Variants in PTPRO observed in about 807,000 individuals in gnomAD.
The protein encoded by PTPRO is protein tyrosine phosphatase receptor type O.
Under a neutral mutation model 145.2 loss-of-function variants are expected in PTPRO, and 62 were observed. The ratio of observed to expected loss-of-function variants is 0.43; its 90% confidence interval spans 0.35 to 0.53. PTPRO has a LOEUF of 0.53. PTPRO is among the 20% of genes least tolerant of loss of function. The pLI, the probability that PTPRO is intolerant of heterozygous loss-of-function variation, is 0.01. For missense variants in PTPRO, 1,345 were observed against 1,482.7 expected, an observed-to-expected ratio of 0.91 and a Z score of 1.53; for synonymous variants, 565 against 514.7, an observed-to-expected ratio of 1.10 and a Z score of -1.32.
At chr12:15,525,182 G>A (rs1306796450) in intron 11 of PTPRO, among the ~76,000 whole-genome samples, 1 of 152,104 alleles carries the variant, frequency 6.6e-6, no homozygotes, top group Non-Finnish European at 1.5e-5. Flanking sequence ...TCCAACTATT[G>A]ATTTCATTTA....
intron 10 of PTPRO, among the ~76,000 whole-genome samples, chr12:15,523,060 A>C (rs1427250723): frequency 6.6e-6 from 1 of 152,258 alleles, no homozygotes; most frequent in Non-Finnish European, 1.5e-5. Flanking sequence ...GTTACTTGTT[A>C]GATGCATTGA....
intron 1 of PTPRO, among the ~76,000 whole-genome samples, chr12:15,357,533 T>A (rs1388781473): frequency 6.6e-6 from 1 of 151,814 alleles, no homozygotes; most frequent in Non-Finnish European, 1.5e-5. Context: ...TCAAACAAAT[T>A]TACAAGAAAA....
chr12:15,399,056 T>C (rs981063281), intron 1 of PTPRO, among the ~76,000 whole-genome samples: 3 of 152,190 alleles, frequency 2.0e-5, no homozygotes, highest in Non-Finnish European at 2.9e-5. Context: ...TTAGTTGAAA[T>C]TGGCCCCAAA....
chr12:15,349,271 G>T (rs1937710858), intron 1 of PTPRO, among the ~76,000 whole-genome samples: 1 of 152,138 alleles, frequency 6.6e-6, no homozygotes. Flanking sequence ...TTGGCTAGAT[G>T]GGGGTACGAT....
intron 1 of PTPRO, among the ~76,000 whole-genome samples, chr12:15,353,957 G>C (rs1937896088): frequency 6.6e-6 from 1 of 152,178 alleles, no homozygotes; most frequent in Non-Finnish European, 1.5e-5. Context: ...CTTGTCTGCA[G>C]CTGATCTGGG....
chr12:15,477,298 C>A (rs1421522500), intron 1 of PTPRO, among the ~76,000 whole-genome samples: 1 of 128,884 alleles, frequency 7.8e-6, no homozygotes, highest in African/African-American at 3.0e-5. Context: ...GGGAATTGAA[C>A]AATGAGATCA....
intron 1 of PTPRO, among the ~76,000 whole-genome samples, chr12:15,327,667 T>C (rs781334029): frequency 6.6e-6 from 1 of 152,034 alleles, no homozygotes; most frequent in African/African-American, 2.4e-5. Flanking sequence ...CAAATAAATA[T>C]GTAAGTTTTT....
In PTPRO at chr12:15,516,962, C is replaced by A; in HGVS notation, c.1779+6C>A. On this transcript the variant is annotated splice_donor_region_variant and intron_variant, in intron 9 of 26. Transcript: ENST00000281171. Reference sequence around the variant, plus strand: ...TTTCCTTAACTGCATCCGTGGTAATCTTCCCTTAACCAACTGTCAGTCTTT... The same window carrying A: ...TTTCCTTAACTGCATCCGTGGTAATATTCCCTTAACCAACTGTCAGTCTTT... 1 of 1,608,952 alleles carries A rather than the reference C, an allele frequency of 6.2e-7. No individual in the cohort carries two copies. Among genetic ancestry groups the A allele is most frequent in the Non-Finnish European group, 8.5e-7 (1 of 1,175,260 alleles).
chr12:15,434,187 T>C (rs921012074), intron 1 of PTPRO, among the ~76,000 whole-genome samples: 1 of 152,244 alleles, frequency 6.6e-6, no homozygotes, highest in Non-Finnish European at 1.5e-5. Flanking sequence ...TTAGCACTAC[T>C]GAATAACACT....
At chr12:15,543,288 G>T (rs748442400) in intron 12 of PTPRO, among the ~76,000 whole-genome samples, 39 of 152,148 alleles carry the variant, frequency 2.6e-4, no homozygotes, top group Non-Finnish European at 5.0e-4. Flanking sequence ...TTTGTTACGT[G>T]GTTGTTAGAT....
At chr12:15,460,389 T>A (rs998937071) in intron 1 of PTPRO, among the ~76,000 whole-genome samples, 1 of 152,190 alleles carries the variant, frequency 6.6e-6, no homozygotes, top group African/African-American at 2.4e-5. Context: ...TACATTTTGA[T>A]GCTTTTCTCA....
chr12:15,508,856 A>G, intron 7 of PTPRO, 89 bp downstream of exon 7: 2 of 1,347,730 alleles, frequency 1.5e-6, no homozygotes, highest in Non-Finnish European at 2.1e-6. Context: ...GTAGGAAGCC[A>G]GGCTGAGGTC....
intron 1 of PTPRO, among the ~76,000 whole-genome samples, chr12:15,414,815 AT>A (rs909219881): frequency 1.3e-5 from 2 of 152,156 alleles, no homozygotes; most frequent in Non-Finnish European, 2.9e-5. Context: ...AATGGATGTG[AT>A]TTTTTTCTTG....
chr12:15,344,113 C>T (rs1867111803), intron 1 of PTPRO, among the ~76,000 whole-genome samples: 1 of 152,140 alleles, frequency 6.6e-6, no homozygotes, highest in African/African-American at 2.4e-5. Context: ...AATATAAAAA[C>T]CGGCTTTGTC....
chr12:15,461,566 C>CTTTTTTTTTTTTTTTTTTTTTTTTTTTTT (rs141018489), intron 1 of PTPRO, among the ~76,000 whole-genome samples: 1 of 70,520 alleles, frequency 1.4e-5, no homozygotes, highest in African/African-American at 4.6e-5. Context: ...ATTGCTATAG[C>CTTTTTTTTTTTTTTTTTTTTTTTTTTTTT]TTTTTTTTTT....
chr12:15,554,403 AGT>A (rs762597093), intron 15 of PTPRO, among the ~76,000 whole-genome samples: 6 of 148,376 alleles, frequency 4.0e-5, no homozygotes, highest in African/African-American at 7.8e-5. Context: ...ATATAGATAT[AGT>A]GTGTGTGTGT....
chr12:15,523,233 G>C (rs1942764833), intron 10 of PTPRO, among the ~76,000 whole-genome samples: 1 of 152,146 alleles, frequency 6.6e-6, no homozygotes, highest in African/African-American at 2.4e-5. Flanking sequence ...ATCACATTAG[G>C]GGAAATGATT....
chr12:15,396,723 T>C (rs1012286016), intron 1 of PTPRO, among the ~76,000 whole-genome samples: 8 of 152,140 alleles, frequency 5.3e-5, no homozygotes, highest in African/African-American at 1.9e-4. Flanking sequence ...CTTTTATGAT[T>C]CTATAGAGGA....
intron 1 of PTPRO, among the ~76,000 whole-genome samples, chr12:15,381,525 T>A (rs926488175): frequency 2.0e-5 from 3 of 152,120 alleles, no homozygotes; most frequent in African/African-American, 4.8e-5. Context: ...CTACTTCTCA[T>A]CATTAATCCC....
Sources: gnomAD v4.1 joint callset for allele counts (sites outside exome capture counted in the v4.1 genomes callset) on GRCh38, gnomAD v4.1.1 for gene constraint, MANE v1.5 for transcripts, NCBI Gene and HGNC (gene_info 2026-07-23, HGNC 2026-07-21) for gene names.